MYT1L: variants seen among roughly 807,000 people sequenced by gnomAD.
MYT1L encodes the protein myelin transcription factor 1 like.
Under a neutral mutation model 126.7 loss-of-function variants are expected in MYT1L, and 12 were observed. The observed-to-expected ratio is 0.09, with a 90% CI of 0.06 to 0.15. The LOEUF (loss-of-function observed/expected upper bound fraction) is 0.15, where lower values mean the gene tolerates loss of function less well. Ranked by LOEUF, MYT1L falls within the 10% of genes least tolerant of loss-of-function variation. The pLI is 1.00. For missense variants in MYT1L, 979 were observed against 1,585.2 expected, an observed-to-expected ratio of 0.62 and a Z score of 6.49; for synonymous variants, 541 against 604.2, an observed-to-expected ratio of 0.90 and a Z score of 1.53.
At chr2:2,206,554 A>T (rs1480891546) in intron 2 of MYT1L, among the ~76,000 whole-genome samples, 3 of 152,188 alleles carry the variant, frequency 2.0e-5, no homozygotes, top group Admixed American at 2.0e-4. Flanking sequence ...TTCTTTCCTC[A>T]TTACCTCATG....
At chr2:2,154,281 A>G (rs1368130166) in intron 3 of MYT1L, among the ~76,000 whole-genome samples, 1 of 152,166 alleles carries the variant, frequency 6.6e-6, no homozygotes, top group African/African-American at 2.4e-5. Flanking sequence ...ACTTTACCTG[A>G]ATGATACCTA....
chr2:2,267,669 A>G (rs1474924972), intron 2 of MYT1L, among the ~76,000 whole-genome samples: 1 of 152,198 alleles, frequency 6.6e-6, no homozygotes, highest in African/African-American at 2.4e-5. Flanking sequence ...ACCAGCTAGC[A>G]TGAACTCAGA....
At chr2:2,281,742 T>C (rs1289165190) in intron 2 of MYT1L, among the ~76,000 whole-genome samples, 1 of 152,226 alleles carries the variant, frequency 6.6e-6, no homozygotes, top group Non-Finnish European at 1.5e-5. Context: ...TAAGTTGAAT[T>C]GAATTAGACA....
At chr2:1,792,124 C>G in intron 24 of MYT1L, 117 bp from the exon 25 acceptor site, 3 of 1,171,956 alleles carry the variant, frequency 2.6e-6, no homozygotes, top group Non-Finnish European at 3.5e-6. Context: ...TTTCAAAGGC[C>G]GGCTCAGAGC....
chr2:1,988,292 G>A lies in MYT1L; in HGVS notation c.1-8515C>T, dbSNP rs570076460. ...CCTGCACCTCCCATTCCTGCGGAGC[G>A]CCGGGCACACAGCAGGGCTGCCTGA... is the stretch of plus-strand genomic sequence containing the variant. On this transcript the variant is annotated intron_variant, in intron 5 of 24. Transcript: ENST00000647738. Among the ~76,000 whole-genome samples the A allele has an allele frequency of 2.0e-4, 30 of 152,328 alleles. 1 individual carries two copies. In the South Asian group the frequency reaches 4.1e-3, roughly 21 times the overall value.
At chr2:2,045,483 C>A (rs1003570141) in intron 4 of MYT1L, among the ~76,000 whole-genome samples, 3 of 152,208 alleles carry the variant, frequency 2.0e-5, no homozygotes, top group African/African-American at 7.2e-5. Flanking sequence ...TCAAAACCAC[C>A]CACCTGCTCA....
At chr2:1,926,005 G>A (rs1385102048) in intron 9 of MYT1L, among the ~76,000 whole-genome samples, 1 of 152,182 alleles carries the variant, frequency 6.6e-6, no homozygotes, top group East Asian at 1.9e-4. Flanking sequence ...GTTGGTAGAA[G>A]AAATCTGGAA....
At chr2:1,828,870 A>G (rs1018233206) in intron 21 of MYT1L, among the ~76,000 whole-genome samples, 13 of 152,222 alleles carry the variant, frequency 8.5e-5, no homozygotes, top group African/African-American at 2.9e-4. Context: ...AAAAAAATGT[A>G]TGGTGGACGA....
chr2:2,162,842 T>C (rs959896063), intron 3 of MYT1L, among the ~76,000 whole-genome samples: 1 of 152,226 alleles, frequency 6.6e-6, no homozygotes, highest in African/African-American at 2.4e-5. Flanking sequence ...GCGTCGGAAA[T>C]GTTCTCTTGC....
rs765686212 is a variant in MYT1L at position 1,943,275 on chromosome 2, G to A, written c.212C>T (p.Pro71Leu). 5.8e-6 allele frequency: 9 copies of A among 1,564,862 alleles called. No homozygotes were observed. Among genetic ancestry groups the A allele is most frequent in the Non-Finnish European group, 7.8e-6 (9 of 1,153,890 alleles). The change falls in exon 9 of 25, where the codon CCT becomes CTT. Residue 71 changes from proline to leucine, a missense_variant. Around this residue, in one of 12 missense-constraint regions of MYT1L, gnomAD observed 111 missense variants for 115.9 expected, o/e 0.96. Transcript: ENST00000647738. This position sits in a 1 kb window ranked among gnomAD's most constrained non-coding sequence, Gnocchi z 4.4. ...GGCAAATGGCTTTCGTTTAGGAGCA[G>A]GTTCCTGGGGCTGTTTATCTTGTGT... ...RKTQDKQPQE[P>L]APKRKPFAVK... is the part of the protein sequence containing the mutation.
At chr2:2,085,726 C>A (rs2076284812) in intron 3 of MYT1L, among the ~76,000 whole-genome samples, 2 of 152,172 alleles carry the variant, frequency 1.3e-5, no homozygotes, top group South Asian at 4.1e-4. Flanking sequence ...TCCACACAGT[C>A]CTACTGTTTT....
chr2:2,295,685 C>CAGAG lies in MYT1L; in HGVS notation c.-520-11186_-520-11183dup, dbSNP rs201138507. On this transcript the variant is annotated intron_variant, in intron 1 of 24. Coordinates refer to ENST00000647738, the MANE Select transcript of MYT1L (RefSeq NM_001303052.2). ...AGACAGAGAGAGAGAGAGAGACAGA[C>CAGAG]AGAGAGAGAGAGAGAGAGACAGACA... is the stretch of plus-strand genomic sequence containing the variant. 1.3e-3 allele frequency among the ~76,000 whole-genome samples: 24 copies of CAGAG among 18,544 alleles called. 1 individual carries two copies. Among genetic ancestry groups the CAGAG allele is most frequent in the African/African-American group, 5.0e-3 (24 of 4,804 alleles). The allele number at this position is 18,544 out of a possible 152,430, so 12.2% of individuals were successfully genotyped here. A position where few individuals can be genotyped will look rare whatever the true frequency, so the allele number is the denominator to read the frequency against.
chr2:2,190,861 C>T (rs984465818), intron 2 of MYT1L, among the ~76,000 whole-genome samples: 8 of 152,324 alleles, frequency 5.3e-5, no homozygotes, highest in Non-Finnish European at 7.3e-5. Flanking sequence ...TCTTGGCTCA[C>T]CACAACCTCC....
At chr2:2,100,044 G>A (rs1386385297) in intron 3 of MYT1L, among the ~76,000 whole-genome samples, 1 of 152,184 alleles carries the variant, frequency 6.6e-6, no homozygotes, top group Non-Finnish European at 1.5e-5. Context: ...GTGTGTGGTT[G>A]CATTTATGTT....
At chr2:1,861,412 T>C (rs1050038909) in intron 18 of MYT1L, among the ~76,000 whole-genome samples, 1 of 152,058 alleles carries the variant, frequency 6.6e-6, no homozygotes, top group Non-Finnish European at 1.5e-5. Context: ...GGGATGTACA[T>C]GTTTTTCCTC....
chr2:2,068,769 GTTTTTTTTTTTTT>G (rs55838351), intron 3 of MYT1L, among the ~76,000 whole-genome samples: 6 of 26,182 alleles, frequency 2.3e-4, no homozygotes, highest in Non-Finnish European at 3.7e-4. Flanking sequence ...TGTTCTTCTT[GTTTTTTTTTTTTT>G]TTTTTTTTTT....
chr2:1,972,561 C>T (rs1558589357), intron 8 of MYT1L, among the ~76,000 whole-genome samples: 2 of 152,246 alleles, frequency 1.3e-5, no homozygotes, highest in Non-Finnish European at 2.9e-5. Flanking sequence ...CAGCACCTGG[C>T]TCTGTTCCAG....
chr2:2,138,253 A>T (rs1289866554), intron 3 of MYT1L, among the ~76,000 whole-genome samples: 5 of 150,618 alleles, frequency 3.3e-5, no homozygotes, highest in Admixed American at 6.6e-5. Context: ...GTGGGACTGG[A>T]AACTAGTTCA....
chr2:2,094,636 G>A (rs1332637374), intron 3 of MYT1L, among the ~76,000 whole-genome samples: 2 of 152,090 alleles, frequency 1.3e-5, no homozygotes, highest in Non-Finnish European at 2.9e-5. Flanking sequence ...CATGGATGAA[G>A]CTGGAAACCA....
Sources: allele counts gnomAD v4.1 joint callset (sites outside exome capture counted in the v4.1 genomes callset), GRCh38; gene constraint gnomAD v4.1.1; regional missense constraint gnomAD v4.1.1; non-coding constraint Gnocchi (gnomAD v3.1); transcripts MANE v1.5; gene names NCBI Gene and HGNC (gene_info 2026-07-23, HGNC 2026-07-21).